The following ATP9A variants were observed in gnomAD, a reference collection of about 807,000 sequenced individuals.
The protein encoded by ATP9A is ATPase phospholipid transporting 9A, also known as probable phospholipid-transporting ATPase IIA.
A neutral mutation model predicts 144.1 loss-of-function variants in ATP9A; 52 were observed. The ratio of observed to expected loss-of-function variants is 0.36; its 90% CI spans 0.29 to 0.45. ATP9A has a LOEUF of 0.45. Ranked by LOEUF, ATP9A falls within the 20% of genes least tolerant of loss-of-function variation. The pLI, the probability that ATP9A is intolerant of heterozygous loss-of-function variation, is 1.00. For synonymous variants in ATP9A, 582 were observed against 557.4 expected (o/e 1.04, Z -0.62); for missense variants, 947 against 1,392.7 (o/e 0.68, Z 5.09).
chr20:51,735,527 C>T (rs901347314), intron 1 of ATP9A, among the ~76,000 whole-genome samples: 3 of 152,174 alleles, frequency 2.0e-5, no homozygotes, highest in Admixed American at 6.5e-5. Flanking sequence ...TAAGCGCTTA[C>T]CCGGTACAAA....
At chr20:51,612,604 T>C (rs1380097164) in intron 23 of ATP9A, among the ~76,000 whole-genome samples, 5 of 152,132 alleles carry the variant, frequency 3.3e-5, no homozygotes, top group African/African-American at 1.2e-4. Context: ...TTTGTATTTT[T>C]AGTAGAGACA....
chr20:51,726,481 A>G (rs2077713684), intron 2 of ATP9A, among the ~76,000 whole-genome samples: 1 of 150,192 alleles, frequency 6.7e-6, no homozygotes, highest in Admixed American at 6.6e-5. Context: ...TGGAAATTGT[A>G]AATACCAAAT....
At chr20:51,699,614 G>A (rs2077585131) in intron 4 of ATP9A, among the ~76,000 whole-genome samples, 1 of 151,900 alleles carries the variant, frequency 6.6e-6, no homozygotes, top group South Asian at 2.1e-4. Flanking sequence ...GCATCAAAAG[G>A]TCTGATATAA....
At chr20:51,639,552 G>T in intron 14 of ATP9A, 48 bp from the exon 15 acceptor site, 1 of 1,562,834 alleles carries the variant, frequency 6.4e-7, no homozygotes, top group Non-Finnish European at 8.7e-7. Flanking sequence ...CGAGAATCTG[G>T]GTTCACAGGC....
intron 3 of ATP9A, among the ~76,000 whole-genome samples, chr20:51,724,232 T>TC (rs939811447): frequency 6.6e-6 from 1 of 151,892 alleles, no homozygotes; most frequent in Non-Finnish European, 1.5e-5. Context: ...ATCCAAGCGT[T>TC]CCCCCCCTGG....
intron 22 of ATP9A, 109 bp downstream of exon 22, chr20:51,617,381 T>A (rs560683776): frequency 8.6e-7 from 1 of 1,165,528 alleles, no homozygotes; most frequent in African/African-American, 1.6e-5. Flanking sequence ...TTCCTTATGT[T>A]TTATCATTCT....
At chr20:51,643,830 G>C (rs1341021075) in intron 14 of ATP9A, among the ~76,000 whole-genome samples, 1 of 152,090 alleles carries the variant, frequency 6.6e-6, no homozygotes, top group African/African-American at 2.4e-5. Context: ...AATCAGTAAT[G>C]ATTCGCATAT....
chr20:51,667,768 G>A (rs1291823366), intron 13 of ATP9A, among the ~76,000 whole-genome samples: 2 of 151,986 alleles, frequency 1.3e-5, no homozygotes, highest in South Asian at 2.1e-4. Flanking sequence ...AAGGCCAAAG[G>A]TGGCTGGGCG....
intron 1 of ATP9A, among the ~76,000 whole-genome samples, chr20:51,731,076 C>CAGGCGG (rs904832680): frequency 6.6e-6 from 1 of 151,906 alleles, no homozygotes; most frequent in Non-Finnish European, 1.5e-5. Context: ...GAGGCCGAGG[C>CAGGCGG]AGGCGGATCA....
intron 22 of ATP9A, among the ~76,000 whole-genome samples, chr20:51,615,288 G>A (rs2077198974): frequency 6.6e-6 from 1 of 152,156 alleles, no homozygotes; most frequent in Admixed American, 6.6e-5. Flanking sequence ...AATGCTCACT[G>A]TTCTATTTCA....
chr20:51,662,745 G>T (rs1043575873), intron 13 of ATP9A, among the ~76,000 whole-genome samples: 1 of 151,986 alleles, frequency 6.6e-6, no homozygotes, highest in Non-Finnish European at 1.5e-5. Flanking sequence ...TCTTAACCAG[G>T]AAGGCTTCTC....
At chr20:51,619,098 A>G in intron 19 of ATP9A, 55 bp from the exon 20 acceptor site, 1 of 1,507,912 alleles carries the variant, frequency 6.6e-7, no homozygotes, top group Non-Finnish European at 9.2e-7. Context: ...ATGATAGAAC[A>G]ACAAACAGTG....
intron 4 of ATP9A, among the ~76,000 whole-genome samples, chr20:51,702,232 G>A (rs943802764): frequency 4.0e-5 from 6 of 151,562 alleles, no homozygotes; most frequent in East Asian, 3.9e-4. Flanking sequence ...CTGCAAAGGC[G>A]GAGGCTGCAG....
At chr20:51,730,325 G>C (rs533354362) in intron 1 of ATP9A, among the ~76,000 whole-genome samples, 2 of 152,064 alleles carry the variant, frequency 1.3e-5, no homozygotes, top group Non-Finnish European at 2.9e-5. Flanking sequence ...AAAATTAGCC[G>C]GGCGTGTTGG....
At chr20:51,737,099 T>C (rs1361698372) in intron 1 of ATP9A, among the ~76,000 whole-genome samples, 2 of 152,154 alleles carry the variant, frequency 1.3e-5, no homozygotes, top group Non-Finnish European at 2.9e-5. Context: ...CTCTCTCTCC[T>C]ACTAACGGGT....
chr20:51,754,264 G>A (rs1017153545), intron 1 of ATP9A, among the ~76,000 whole-genome samples: 5 of 152,120 alleles, frequency 3.3e-5, no homozygotes, highest in Non-Finnish European at 7.3e-5. Context: ...CACTTTGGGA[G>A]GCCAAGGCAG....
rs777584594 is a variant in ATP9A at position 51,729,997 on chromosome 20, C to T, written c.69-19G>A. ...GCAGCACCTGTGGGAAAGAAACCCACGCATCAAGGCCACGCCCACGCATCG... is the reference window on the plus strand; with the variant it reads ...GCAGCACCTGTGGGAAAGAAACCCATGCATCAAGGCCACGCCCACGCATCG... On this transcript the variant is annotated intron_variant, in intron 1 of 27. Coordinates refer to ENST00000338821, the MANE Select transcript of ATP9A (RefSeq NM_006045.3). 2.6e-5 allele frequency: 39 copies of T among 1,510,896 alleles called. No individual in the cohort carries two copies. Among genetic ancestry groups the T allele is most frequent in the Admixed American group, 2.4e-5 (1 of 42,252 alleles). The allele number at this position is 1,510,896 out of a possible 1,614,324, so 93.6% of individuals were successfully genotyped here.
chr20:51,639,112 G>T (rs145412571), intron 15 of ATP9A, among the ~76,000 whole-genome samples: 1 of 152,150 alleles, frequency 6.6e-6, no homozygotes, highest in Non-Finnish European at 1.5e-5. Context: ...CCCAATGGAC[G>T]TTCTCTTTAA....
At chr20:51,757,874 C>A (rs529527252) in intron 1 of ATP9A, among the ~76,000 whole-genome samples, 1 of 151,956 alleles carries the variant, frequency 6.6e-6, no homozygotes, top group African/African-American at 2.4e-5. Flanking sequence ...TGTACTCCAG[C>A]CTGAGCAATA....
Sources: gnomAD v4.1 joint callset for allele counts (sites outside exome capture counted in the v4.1 genomes callset) on GRCh38, gnomAD v4.1.1 for gene constraint, MANE v1.5 for transcripts, NCBI Gene and HGNC (gene_info 2026-07-23, HGNC 2026-07-21) for gene names.